TRHDE: variants seen among roughly 807,000 people sequenced by gnomAD.
TRHDE encodes the protein thyrotropin-releasing hormone-degrading ectoenzyme.
In TRHDE, 72 loss-of-function variants were observed where a neutral mutation model predicts 125.7. The observed-to-expected ratio is 0.57, with a 90% CI of 0.47 to 0.70. The LOEUF (loss-of-function observed/expected upper bound fraction) is 0.70. TRHDE is among the 30% of genes least tolerant of loss of function. The pLI, the probability that TRHDE is intolerant of heterozygous loss-of-function variation, is 0.00. For synonymous variants in TRHDE, 509 were observed against 509.1 expected (o/e 1.00, Z 0.00); for missense variants, 1,110 against 1,327.1 (o/e 0.84, Z 2.54).
At chr12:72,506,168 A>G (rs1034006552) in intron 6 of TRHDE, among the ~76,000 whole-genome samples, 4 of 152,066 alleles carry the variant, frequency 2.6e-5, no homozygotes, top group African/African-American at 4.8e-5. Context: ...TAAATTAGCT[A>G]GGCATCATGG....
At chr12:72,432,661 G>A (rs1356806315) in intron 3 of TRHDE, among the ~76,000 whole-genome samples, 3 of 152,186 alleles carry the variant, frequency 2.0e-5, no homozygotes, top group African/African-American at 4.8e-5. Flanking sequence ...TGGGGATCCA[G>A]GGAGAAGCGA....
intron 2 of TRHDE, chr12:72,306,877 G>A (rs1868349479): frequency 6.6e-6 from 1 of 152,164 alleles, no homozygotes; most frequent in Non-Finnish European, 1.5e-5. Flanking sequence ...GAATATGAGT[G>A]TTTGAGGAGA....
intron 2 of TRHDE, among the ~76,000 whole-genome samples, chr12:72,358,394 T>A (rs1011314130): frequency 3.3e-5 from 5 of 151,656 alleles, no homozygotes; most frequent in Non-Finnish European, 7.4e-5. Context: ...TATATTTCTA[T>A]TCCTCATGAT....
At chr12:72,154,189 G>C (rs1490948411) in intron 2 of TRHDE, among the ~76,000 whole-genome samples, 1 of 139,024 alleles carries the variant, frequency 7.2e-6, no homozygotes, top group African/African-American at 2.7e-5. Context: ...TTGGTTTAAA[G>C]TCTGTTTTAT....
At chr12:72,096,806 G>A (rs151033499) in intron 1 of TRHDE, among the ~76,000 whole-genome samples, 6 of 152,300 alleles carry the variant, frequency 3.9e-5, no homozygotes, top group Non-Finnish European at 7.4e-5. Context: ...AGAATCTCAA[G>A]CATTGTCACA....
At chr12:72,301,705 T>C (rs893362926) in intron 2 of TRHDE, among the ~76,000 whole-genome samples, 1 of 151,994 alleles carries the variant, frequency 6.6e-6, no homozygotes, top group African/African-American at 2.4e-5. Flanking sequence ...AAAGAAACAA[T>C]AGAAGTACAG....
At chr12:72,090,491 G>A (rs2139281888) in intron 1 of TRHDE, among the ~76,000 whole-genome samples, 1 of 152,118 alleles carries the variant, frequency 6.6e-6, no homozygotes, top group South Asian at 2.1e-4. Flanking sequence ...GAATGTTTGG[G>A]CAATTAGTGT....
chr12:72,386,779 C>T (rs1872436228), intron 3 of TRHDE, among the ~76,000 whole-genome samples: 1 of 152,200 alleles, frequency 6.6e-6, no homozygotes, highest in Non-Finnish European at 1.5e-5. Context: ...GCTCCATTCT[C>T]AGCCTTTATC....
intron 10 of TRHDE, among the ~76,000 whole-genome samples, chr12:72,574,818 C>T (rs1257301764): frequency 1.3e-5 from 2 of 152,082 alleles, no homozygotes; most frequent in Admixed American, 6.6e-5. Context: ...ACAACAGTGA[C>T]TTTCAAGTAA....
intron 2 of TRHDE, among the ~76,000 whole-genome samples, chr12:72,131,065 ATTTTTTT>A (rs757285511): frequency 1.2e-3 from 127 of 105,476 alleles, no homozygotes; most frequent in Non-Finnish European, 1.7e-3. Flanking sequence ...ACTTAATGTA[ATTTTTTT>A]TTTTTTTTTT....
At chr12:72,620,790 T>C (rs1004522257) in intron 13 of TRHDE, among the ~76,000 whole-genome samples, 1 of 152,142 alleles carries the variant, frequency 6.6e-6, no homozygotes, top group Non-Finnish European at 1.5e-5. Flanking sequence ...TATGTACGCA[T>C]AGGTGTTATC....
At chr12:72,499,098 C>T (rs1019112572) in intron 5 of TRHDE, among the ~76,000 whole-genome samples, 1 of 151,948 alleles carries the variant, frequency 6.6e-6, no homozygotes, top group Admixed American at 6.6e-5. Context: ...AAGGTTAGTA[C>T]TTCTTATATT....
chr12:72,276,970 G>A (rs1191624049), intron 1 of TRHDE, among the ~76,000 whole-genome samples: 6 of 152,126 alleles, frequency 3.9e-5, no homozygotes, highest in Admixed American at 3.3e-4. Context: ...GATGGTGAGC[G>A]CACCCGTGTT....
At chr12:72,561,888 C>A (rs566454102) in intron 7 of TRHDE, among the ~76,000 whole-genome samples, 2 of 152,086 alleles carry the variant, frequency 1.3e-5, no homozygotes, top group South Asian at 2.1e-4. Flanking sequence ...GGTTGACTTG[C>A]TCAATTAGAG....
intron 2 of TRHDE, among the ~76,000 whole-genome samples, chr12:72,152,226 T>G (rs1023951805): frequency 1.3e-5 from 2 of 151,282 alleles, no homozygotes; most frequent in African/African-American, 4.9e-5. Flanking sequence ...AGAATGCTTG[T>G]GATTTTTGTA....
intron 3 of TRHDE, among the ~76,000 whole-genome samples, chr12:72,446,504 A>G (rs1235461444): frequency 6.6e-6 from 1 of 152,088 alleles, no homozygotes; most frequent in Non-Finnish European, 1.5e-5. Context: ...ATTCACACAT[A>G]ACAATATTAA....
intron 3 of TRHDE, among the ~76,000 whole-genome samples, chr12:72,402,949 G>A (rs751394150): frequency 2.6e-5 from 4 of 152,148 alleles, no homozygotes; most frequent in Non-Finnish European, 4.4e-5. Context: ...ATCTCCCTTT[G>A]CTTCGTCCAA....
At chr12:72,246,714 C>T (rs1878582002) in intron 2 of TRHDE, among the ~76,000 whole-genome samples, 2 of 152,150 alleles carry the variant, frequency 1.3e-5, no homozygotes, top group Admixed American at 6.5e-5. Context: ...AGTTCTAATA[C>T]TTTGTTATTA....
chr12:72,453,690 G>T (rs948719809), intron 3 of TRHDE, among the ~76,000 whole-genome samples: 7 of 152,216 alleles, frequency 4.6e-5, no homozygotes, highest in Admixed American at 3.3e-4. Flanking sequence ...AGGCCCTGAG[G>T]CCTAGGAGGA....
Sources: gnomAD v4.1 joint callset for allele counts (sites outside exome capture counted in the v4.1 genomes callset) on GRCh38, gnomAD v4.1.1 for gene constraint, MANE v1.5 for transcripts, NCBI Gene and HGNC (gene_info 2026-07-23, HGNC 2026-07-21) for gene names.